PDZRN3: variants seen among roughly 807,000 people sequenced by gnomAD.
PDZRN3 encodes E3 ubiquitin-protein ligase PDZRN3.
PDZRN3 carries 38 observed loss-of-function variants against 85.7 expected under a neutral mutation model. The ratio of observed to expected loss-of-function variants is 0.44; its 90% CI spans 0.34 to 0.58. The LOEUF is 0.58. Ranked by LOEUF, PDZRN3 falls within the 20% of genes least tolerant of loss-of-function variation. The pLI, the probability that PDZRN3 is intolerant of heterozygous loss-of-function variation, is 0.01. For missense variants in PDZRN3, 1,629 were observed against 1,506.4 expected (o/e 1.08, Z -1.35); for synonymous variants, 759 against 638.0 (o/e 1.19, Z -2.86).
chr3:73,496,941 G>A (rs1018808926), intron 3 of PDZRN3, among the ~76,000 whole-genome samples: 4 of 152,098 alleles, frequency 2.6e-5, no homozygotes, highest in African/African-American at 4.8e-5. Flanking sequence ...AATCATTAAC[G>A]TATGGGCACA....
At chr3:73,609,311 CTGT>C (rs1205146911) in intron 1 of PDZRN3, among the ~76,000 whole-genome samples, 2 of 152,144 alleles carry the variant, frequency 1.3e-5, no homozygotes, top group African/African-American at 4.8e-5. Flanking sequence ...AGAAAGCACT[CTGT>C]TTAAGGCTGG....
intron 3 of PDZRN3, among the ~76,000 whole-genome samples, chr3:73,436,581 G>T (rs953371126): frequency 6.6e-6 from 1 of 152,052 alleles, no homozygotes; most frequent in African/African-American, 2.4e-5. Flanking sequence ...AATCAAAGTC[G>T]AAATGGGCCT....
At position 73,403,237 on chromosome 3, in the gene PDZRN3, C is replaced by T. The variant is rs111277617; in HGVS notation, c.1166+911G>A. The stretch of plus-strand genomic sequence containing the variant: ...CTGGGATTACAGGTGTGAGCCACCA[C>T]GCCTGGCCTTGAAAAGCTATGTTAA... On this transcript the variant is annotated intron_variant, in intron 4 of 9. Coordinates refer to ENST00000263666, the MANE Select transcript of PDZRN3 (RefSeq NM_015009.3). 2.2e-3 allele frequency among the ~76,000 whole-genome samples: 338 copies of T among 152,326 alleles called. 1 individual carries two copies. Among genetic ancestry groups the T allele is most frequent in the African/African-American group, 7.7e-3 (320 of 41,568 alleles).
At chr3:73,439,641 C>T (rs1389365687) in intron 3 of PDZRN3, among the ~76,000 whole-genome samples, 1 of 152,154 alleles carries the variant, frequency 6.6e-6, no homozygotes, top group Non-Finnish European at 1.5e-5. Flanking sequence ...CAAAAAATGT[C>T]AAAGTAAAAA....
intron 3 of PDZRN3, among the ~76,000 whole-genome samples, chr3:73,441,411 C>CAAAAAAAAAAAA (rs10656791): frequency 1.5e-5 from 1 of 68,192 alleles, no homozygotes; most frequent in Non-Finnish European, 2.5e-5. Flanking sequence ...GACTCTGTCC[C>CAAAAAAAAAAAA]AAAAAAAAAA....
intron 3 of PDZRN3, among the ~76,000 whole-genome samples, chr3:73,547,793 G>C (rs1431540239): frequency 6.6e-6 from 1 of 152,176 alleles, no homozygotes; most frequent in African/African-American, 2.4e-5. Flanking sequence ...CCAGAGATGG[G>C]TCAGGCCAGA....
intron 3 of PDZRN3, among the ~76,000 whole-genome samples, chr3:73,575,658 A>C (rs1160517020): frequency 2.6e-5 from 4 of 152,222 alleles, no homozygotes; most frequent in African/African-American, 9.6e-5. Context: ...GCATTATAGA[A>C]AGAACCTGCA....
chr3:73,542,834 A>C (rs1701313832), intron 3 of PDZRN3, among the ~76,000 whole-genome samples: 1 of 152,200 alleles, frequency 6.6e-6, no homozygotes, highest in African/African-American at 2.4e-5. Context: ...AGATCATTAC[A>C]TGAGACACAC....
intron 3 of PDZRN3, among the ~76,000 whole-genome samples, chr3:73,552,109 A>G (rs991040605): frequency 6.6e-6 from 1 of 152,134 alleles, no homozygotes; most frequent in Non-Finnish European, 1.5e-5. Flanking sequence ...CCTGGGGCAC[A>G]TTCCTTTTCT....
chr3:73,400,661 A>G (rs1041043222), intron 5 of PDZRN3, among the ~76,000 whole-genome samples: 2 of 152,252 alleles, frequency 1.3e-5, no homozygotes, highest in Non-Finnish European at 2.9e-5. Context: ...GGTTGACAAC[A>G]GGATTTACTG....
intron 3 of PDZRN3, among the ~76,000 whole-genome samples, chr3:73,455,148 A>G (rs1165040292): frequency 6.6e-6 from 1 of 152,210 alleles, no homozygotes; most frequent in Admixed American, 6.5e-5. Context: ...AAAAAGAATC[A>G]CCATGAGTAA....
At chr3:73,569,361 G>C (rs1396544953) in intron 3 of PDZRN3, 2 of 1,202,964 alleles carry the variant, frequency 1.7e-6, no homozygotes, top group Middle Eastern at 3.4e-4. Context: ...TTAGTGAGGA[G>C]GCTGGGAGGG....
At chr3:73,511,489 A>C (rs1704163855) in intron 3 of PDZRN3, among the ~76,000 whole-genome samples, 1 of 152,108 alleles carries the variant, frequency 6.6e-6, no homozygotes, top group Non-Finnish European at 1.5e-5. Flanking sequence ...GTGCATTTGG[A>C]CATTCTTTGT....
At chr3:73,598,254 A>G (rs1702459725) in intron 3 of PDZRN3, among the ~76,000 whole-genome samples, 1 of 152,224 alleles carries the variant, frequency 6.6e-6, no homozygotes, top group Non-Finnish European at 1.5e-5. Flanking sequence ...TGGTGATATT[A>G]AAGTATAGGA....
intron 3 of PDZRN3, among the ~76,000 whole-genome samples, chr3:73,473,345 C>T (rs1368456190): frequency 6.6e-6 from 1 of 152,068 alleles, no homozygotes; most frequent in Non-Finnish European, 1.5e-5. Flanking sequence ...TGGCAGCCAA[C>T]TGAGACCCCA....
At chr3:73,502,482 A>C (rs1703997693) in intron 3 of PDZRN3, among the ~76,000 whole-genome samples, 1 of 152,216 alleles carries the variant, frequency 6.6e-6, no homozygotes, top group Non-Finnish European at 1.5e-5. Flanking sequence ...AACAACTAAA[A>C]TTATCTTCTC....
At chr3:73,571,440 T>C (rs1458997303) in intron 3 of PDZRN3, among the ~76,000 whole-genome samples, 3 of 152,208 alleles carry the variant, frequency 2.0e-5, no homozygotes, top group East Asian at 1.9e-4. Flanking sequence ...GTTTTCATTA[T>C]AGATCCTTAA....
chr3:73,429,459 C>G (rs1327544656), intron 3 of PDZRN3, among the ~76,000 whole-genome samples: 1 of 152,148 alleles, frequency 6.6e-6, no homozygotes, highest in Non-Finnish European at 1.5e-5. Context: ...TGCAGAGTCT[C>G]TTTGCTCTAC....
chr3:73,423,341 T>TTGTC (rs1327342591), intron 3 of PDZRN3, among the ~76,000 whole-genome samples: 1 of 152,212 alleles, frequency 6.6e-6, no homozygotes, highest in Non-Finnish European at 1.5e-5. Context: ...AGGGGAATAA[T>TTGTC]TGTCATGTGA....
Sources: gnomAD v4.1 joint callset for allele counts (sites outside exome capture counted in the v4.1 genomes callset) on GRCh38, gnomAD v4.1.1 for gene constraint, MANE v1.5 for transcripts, NCBI Gene and HGNC (gene_info 2026-07-23, HGNC 2026-07-21) for gene names.